KIZ: variants seen among roughly 807,000 people sequenced by gnomAD.
The protein encoded by KIZ is kizuna centrosomal protein, also known as centrosomal protein kizuna.
Under a neutral mutation model 79.6 loss-of-function variants are expected in KIZ, and 68 were observed. The observed-to-expected ratio is 0.85, with a 90% confidence interval of 0.70 to 1.05. KIZ has a LOEUF of 1.05. Ranked by LOEUF, KIZ falls within the 50% of genes least tolerant of loss-of-function variation. The pLI is 0.00. For missense variants in KIZ, 797 were observed against 800.4 expected (o/e 1.00, Z 0.05); for synonymous variants, 280 against 281.8 (o/e 0.99, Z 0.06).
intron 6 of KIZ, among the ~76,000 whole-genome samples, chr20:21,176,858 T>G (rs1453678973): frequency 6.6e-6 from 1 of 152,246 alleles, no homozygotes; most frequent in Admixed American, 6.5e-5. Flanking sequence ...AGATTGGACT[T>G]GGTAGAGAAA....
intron 4 of KIZ, among the ~76,000 whole-genome samples, chr20:21,155,428 ATAT>A (rs774510735): frequency 4.9e-4 from 75 of 152,296 alleles, no homozygotes; most frequent in Non-Finnish European, 9.9e-4. Context: ...AAAAGACAAC[ATAT>A]TATACGATTC....
At chr20:21,197,181 A>G (rs941331857) in intron 6 of KIZ, 2 of 152,204 alleles carry the variant, frequency 1.3e-5, no homozygotes, top group South Asian at 4.1e-4. Context: ...TAACTAATCT[A>G]TTTGAAGGCT....
chr20:21,236,996 T>TAA lies in KIZ; in HGVS notation c.1880+4184_1880+4185dup, dbSNP rs112003553. Among the ~76,000 whole-genome samples the TAA allele has an allele frequency of 7.5e-3, 978 of 130,072 alleles. 16 individuals carry two copies. Among genetic ancestry groups the TAA allele is most frequent in the African/African-American group, 0.027 (923 of 34,660 alleles). The allele number at this position is 130,072 out of a possible 152,430, so 85.3% of individuals were successfully genotyped here. Reference sequence around the variant, plus strand: ...CTGGGCAATGGAGCAAGACTCTGTTTAAAAAAAAAAAAAAAAAAATGATGG... The same window carrying TAA: ...CTGGGCAATGGAGCAAGACTCTGTTTAAAAAAAAAAAAAAAAAAAAATGATGG... On this transcript the variant is annotated intron_variant, in intron 11 of 12. Coordinates refer to ENST00000619189, the MANE Select transcript of KIZ (RefSeq NM_018474.6).
chr20:21,209,984 A>G (rs1464058732), intron 7 of KIZ, among the ~76,000 whole-genome samples: 2 of 152,168 alleles, frequency 1.3e-5, no homozygotes, highest in Admixed American at 6.5e-5. Flanking sequence ...AAAACTGGCC[A>G]TTTTCCTACT....
chr20:21,205,683 C>A, intron 7 of KIZ, 99 bp downstream of exon 7: 2 of 571,482 alleles, frequency 3.5e-6, no homozygotes, highest in Non-Finnish European at 5.9e-6. Context: ...AAAGTTTTGG[C>A]CAGGCGCCGT....
chr20:21,132,221 C>A (rs533697702), intron 2 of KIZ, 62 bp downstream of exon 2: 3 of 792,698 alleles, frequency 3.8e-6, no homozygotes, highest in Admixed American at 2.9e-5. Context: ...AAAAATGTAA[C>A]CCTAATGTTA....
In KIZ at chr20:21,166,892, C is replaced by G. The variant is rs143406974; in HGVS notation, c.1352+3733C>G. On this transcript the variant is annotated intron_variant, in intron 6 of 12. Coordinates refer to ENST00000619189, the MANE Select transcript of KIZ (RefSeq NM_018474.6). ...AGAGGCGTGAGCCACCACGCCCAGC[C>G]TGAAGCCAGAGAGATTTAAAGCAGC... Among the ~76,000 whole-genome samples the G allele has an allele frequency of 2.0e-5, 3 of 152,208 alleles. No homozygotes were observed. The East Asian group carries it at 5.8e-4, about 29-fold the overall frequency.
intron 7 of KIZ, 96 bp downstream of exon 7, chr20:21,205,680 T>C: frequency 1.7e-6 from 1 of 576,070 alleles, no homozygotes; most frequent in Non-Finnish European, 2.9e-6. Context: ...AAAAAAGTTT[T>C]GGCCAGGCGC....
chr20:21,145,669 T>A lies in KIZ; in HGVS notation c.405+15T>A, dbSNP rs2032811133. The A allele has an allele frequency of 1.7e-6, 2 of 1,184,688 alleles. No individual in the cohort carries two copies. Among genetic ancestry groups the A allele is most frequent in the Non-Finnish European group, 2.4e-6 (2 of 838,110 alleles). 73.4% of individuals were successfully genotyped at this position (1,184,688 alleles called of 1,614,324 possible). Reference sequence around the variant, plus strand: ...ACAGAGAAAAGGTAATAAACTAAATTGGTAACCTTTCTGTTAACAGAGGAA... The same window carrying A: ...ACAGAGAAAAGGTAATAAACTAAATAGGTAACCTTTCTGTTAACAGAGGAA... On this transcript the variant is annotated intron_variant, in intron 4 of 12. Transcript: ENST00000619189.
intron 12 of KIZ, 191 bp downstream of exon 12, chr20:21,244,479 C>T (rs1024207227): frequency 1.5e-5 from 9 of 596,192 alleles, no homozygotes; most frequent in South Asian, 6.5e-5. Context: ...CAGGACCACA[C>T]GGGTGCCATG....
At chr20:21,224,591 T>C (rs1305652092) in intron 9 of KIZ, among the ~76,000 whole-genome samples, 1 of 152,232 alleles carries the variant, frequency 6.6e-6, no homozygotes, top group East Asian at 1.9e-4. Flanking sequence ...TGGTTCAAGG[T>C]CGGTTTTTTA....
At chr20:21,189,684 G>C (rs2035031573) in intron 6 of KIZ, among the ~76,000 whole-genome samples, 2 of 152,354 alleles carry the variant, frequency 1.3e-5, no homozygotes, top group South Asian at 4.1e-4. Flanking sequence ...CCTTAGTACA[G>C]ACGGATGGTG....
chr20:21,204,287 T>C (rs2035722154), intron 6 of KIZ, among the ~76,000 whole-genome samples: 1 of 150,744 alleles, frequency 6.6e-6, no homozygotes, highest in Non-Finnish European at 1.5e-5. Context: ...GGCTAATTTT[T>C]TGTATTTTTA....
At chr20:21,218,761 T>C (rs16982603) in intron 9 of KIZ, among the ~76,000 whole-genome samples, 3,208 of 152,318 alleles carry the variant, frequency 0.021, 107 homozygotes, top group African/African-American at 0.073. Flanking sequence ...TTCCTCAATA[T>C]GCTAAAATTA....
chr20:21,163,573 A>G (rs987894613), intron 6 of KIZ, among the ~76,000 whole-genome samples: 73 of 152,326 alleles, frequency 4.8e-4, no homozygotes, highest in African/African-American at 1.8e-3. Flanking sequence ...TGAGAACTTT[A>G]TGTCTAATTA....
At position 21,162,436 on chromosome 20, in the gene KIZ, C is replaced by T; in HGVS notation, c.971C>T (p.Pro324Leu). The T allele has an allele frequency of 6.2e-7, 1 of 1,612,708 alleles. No individual in the cohort carries two copies. ...KRASPPVSPI[P>L]VSEYCESENK... is the part of the protein sequence containing the mutation. The stretch of plus-strand genomic sequence containing the variant: ...GCCAGCCCGCCAGTCTCTCCGATAC[C>T]AGTTTCAGAATACTGTGAATCTGAA... The change falls in exon 5 of 13, where the codon CCA becomes CTA. Residue 324 changes from proline (P) to leucine (L), a missense_variant. Physicochemically the swap from Pro to Leu is moderately conservative, Grantham distance 98. Transcript: ENST00000619189.
At chr20:21,141,821 A>ACT (rs1286201360) in intron 3 of KIZ, among the ~76,000 whole-genome samples, 8 of 111,196 alleles carry the variant, frequency 7.2e-5, no homozygotes, top group East Asian at 4.8e-4. Flanking sequence ...ACACACACAC[A>ACT]CACTCTCTCT....
At chr20:21,166,659 T>C in intron 6 of KIZ, 1 of 747,344 alleles carries the variant, frequency 1.3e-6, no homozygotes, top group South Asian at 1.7e-5. Context: ...GGTTTCTCCA[T>C]GTTGGTCAGG....
intron 4 of KIZ, among the ~76,000 whole-genome samples, chr20:21,147,956 G>A (rs2032927512): frequency 1.5e-5 from 1 of 64,826 alleles, no homozygotes. Flanking sequence ...ATTTCCTCCT[G>A]GAATTTGTGT....
Sources: allele counts gnomAD v4.1 joint callset (sites outside exome capture counted in the v4.1 genomes callset), GRCh38; gene constraint gnomAD v4.1.1; transcripts MANE v1.5; gene names NCBI Gene and HGNC (gene_info 2026-07-23, HGNC 2026-07-21).